The following ARFIP1 variants were observed in gnomAD, a reference collection of about 807,000 sequenced individuals.
ARFIP1 encodes the protein ARF interacting protein 1, also known as arfaptin-1.
A neutral mutation model predicts 42.5 loss-of-function variants in ARFIP1; 24 were observed. That is an observed-to-expected ratio of 0.57 (90% CI 0.41 to 0.80). The LOEUF is 0.80. Among genes scored for constraint, ARFIP1 ranks in the 30% least tolerant of loss-of-function variants. The pLI is 0.00. For missense variants in ARFIP1, 354 were observed against 434.0 expected, an observed-to-expected ratio of 0.82 and a Z score of 1.64; for synonymous variants, 141 against 153.7, an observed-to-expected ratio of 0.92 and a Z score of 0.61.
At chr4:152,788,433 A>G (rs1730942356) in intron 1 of ARFIP1, among the ~76,000 whole-genome samples, 1 of 152,058 alleles carries the variant, frequency 6.6e-6, no homozygotes, top group South Asian at 2.1e-4. Flanking sequence ...TAATCCTAGC[A>G]CTTTGGGAGG....
At chr4:152,822,002 G>C (rs1431562637) in intron 1 of ARFIP1, among the ~76,000 whole-genome samples, 3 of 152,072 alleles carry the variant, frequency 2.0e-5, no homozygotes, top group African/African-American at 4.8e-5. Flanking sequence ...ATACATATCA[G>C]AATAGAAATT....
At chr4:152,816,832 G>A (rs1334539079) in intron 1 of ARFIP1, among the ~76,000 whole-genome samples, 1 of 152,192 alleles carries the variant, frequency 6.6e-6, no homozygotes, top group Admixed American at 6.5e-5. Flanking sequence ...TAGAATATAT[G>A]ACTCTTTTTC....
At chr4:152,787,834 C>A (rs1333655926) in intron 1 of ARFIP1, among the ~76,000 whole-genome samples, 2 of 152,192 alleles carry the variant, frequency 1.3e-5, no homozygotes, top group Non-Finnish European at 2.9e-5. Context: ...CCAAAAAAAT[C>A]TGAAATCCAA....
At chr4:152,822,218 A>G (rs1730427214) in intron 1 of ARFIP1, among the ~76,000 whole-genome samples, 1 of 149,948 alleles carries the variant, frequency 6.7e-6, no homozygotes, top group Non-Finnish European at 1.5e-5. Flanking sequence ...ATGGAAAAAG[A>G]TTTCGCACAA....
At chr4:152,784,886 T>C (rs932720233) in intron 1 of ARFIP1, among the ~76,000 whole-genome samples, 24 of 152,230 alleles carry the variant, frequency 1.6e-4, no homozygotes, top group African/African-American at 5.8e-4. Context: ...AGCAGCTCCT[T>C]GATGTTGAAG....
chr4:152,842,144 A>G (rs1732142328), intron 2 of ARFIP1, among the ~76,000 whole-genome samples: 2 of 152,292 alleles, frequency 1.3e-5, no homozygotes, highest in African/African-American at 4.8e-5. Context: ...AAGAGAGCTC[A>G]CTAAAATGCT....
At chr4:152,814,097 C>CTTTTTTTT (rs67593845) in intron 1 of ARFIP1, among the ~76,000 whole-genome samples, 7 of 110,888 alleles carry the variant, frequency 6.3e-5, no homozygotes, top group South Asian at 2.9e-4. Context: ...TCTTCTTCTT[C>CTTTTTTTT]TTTTTTTTTT....
intron 6 of ARFIP1, 111 bp from the exon 7 acceptor site, chr4:152,882,612 G>A: frequency 9.6e-7 from 1 of 1,045,408 alleles, no homozygotes; most frequent in Non-Finnish European, 1.4e-6. Context: ...AACTGCTACA[G>A]CTAGATCTCT....
At chr4:152,847,936 C>A (rs924027444) in intron 2 of ARFIP1, among the ~76,000 whole-genome samples, 1 of 152,180 alleles carries the variant, frequency 6.6e-6, no homozygotes, top group Non-Finnish European at 1.5e-5. Flanking sequence ...CTTTCTCTAG[C>A]AAAATGTCCA....
Position 152,896,577 on chromosome 4 carries a change from C to T in ARFIP1, c.966+8270C>T, listed in dbSNP as rs80007640. Among the ~76,000 whole-genome samples, 468 of 151,636 alleles carry T rather than the reference C, an allele frequency of 3.1e-3. 6 individuals are homozygous for T. Among genetic ancestry groups the T allele is most frequent in the East Asian group, 0.011 (59 of 5,174 alleles). ...TTTCTTGTATTTGCACAAAGAAAAA[C>T]GGGAAGGATTAATAAAATCAGTTAC... On this transcript the variant is annotated intron_variant, in intron 8 of 8. Coordinates refer to ENST00000353617, the MANE Select transcript of ARFIP1 (RefSeq NM_001025595.3).
intron 4 of ARFIP1, among the ~76,000 whole-genome samples, chr4:152,871,264 G>A (rs1429506900): frequency 6.6e-6 from 1 of 151,898 alleles, no homozygotes. Context: ...AAAAGGTCTT[G>A]TCTTCTTACT....
rs191793912 is a variant in ARFIP1, at chr4:152,888,672, T to A, written c.966+365T>A. On this transcript the variant is annotated intron_variant, in intron 8 of 8. Transcript: ENST00000353617. ...TAGGTACAGATTTCAGGAAAAGAAC[T>A]ATGGCATTCTTCTCAGCAATTGATA... 3.0e-3 allele frequency among the ~76,000 whole-genome samples: 456 copies of A among 152,272 alleles called. 2 individuals carry two copies. The highest frequency in any genetic ancestry group is 0.01 in the African/African-American group (433 of 41,572).
At chr4:152,858,769 TAAAC>T (rs1051917021) in intron 2 of ARFIP1, among the ~76,000 whole-genome samples, 6 of 152,088 alleles carry the variant, frequency 3.9e-5, no homozygotes, top group African/African-American at 7.2e-5. Context: ...GACACAAAAA[TAAAC>T]AAATATACAC....
chr4:152,816,072 A>G (rs908559168), intron 1 of ARFIP1, among the ~76,000 whole-genome samples: 7 of 152,072 alleles, frequency 4.6e-5, no homozygotes, highest in Non-Finnish European at 1.0e-4. Context: ...ATCCTCAGCT[A>G]CTGTTCCCCT....
At chr4:152,877,086 A>G (rs1159203412) in intron 5 of ARFIP1, among the ~76,000 whole-genome samples, 1 of 152,184 alleles carries the variant, frequency 6.6e-6, no homozygotes, top group East Asian at 1.9e-4. Context: ...AGCCCCCCAC[A>G]CAGAGTCCCT....
At chr4:152,874,707 C>G (rs1735179348) in intron 5 of ARFIP1, among the ~76,000 whole-genome samples, 1 of 151,942 alleles carries the variant, frequency 6.6e-6, no homozygotes, top group South Asian at 2.1e-4. Context: ...CTCTGTCACT[C>G]AGGCTTGAGT....
chr4:152,801,000 G>T (rs1728376292), intron 1 of ARFIP1, among the ~76,000 whole-genome samples: 1 of 152,060 alleles, frequency 6.6e-6, no homozygotes, highest in Non-Finnish European at 1.5e-5. Flanking sequence ...GAGTAAGTTT[G>T]ATTTCATAGG....
chr4:152,883,004 A>C, intron 7 of ARFIP1, 124 bp downstream of exon 7: 1 of 1,013,040 alleles, frequency 9.9e-7, no homozygotes. Context: ...TGTACTGGAA[A>C]GTTATAGGAT....
intron 2 of ARFIP1, among the ~76,000 whole-genome samples, chr4:152,856,214 T>A (rs766699139): frequency 6.6e-6 from 1 of 152,252 alleles, no homozygotes; most frequent in African/African-American, 2.4e-5. Flanking sequence ...ATAGTACTGC[T>A]ATTATATCTC....
Sources: gnomAD v4.1 joint callset for allele counts (sites outside exome capture counted in the v4.1 genomes callset) on GRCh38, gnomAD v4.1.1 for gene constraint, MANE v1.5 for transcripts, NCBI Gene and HGNC (gene_info 2026-07-23, HGNC 2026-07-21) for gene names.